Variants in SNX19 observed in about 807,000 individuals in gnomAD.
SNX19 encodes the protein sorting nexin 19.
Under a neutral mutation model 85.2 loss-of-function variants are expected in SNX19, and 60 were observed. That is an observed-to-expected ratio of 0.70 (90% CI 0.57 to 0.87). The LOEUF (loss-of-function observed/expected upper bound fraction) is 0.87, where lower values mean the gene tolerates loss of function less well. Ranked by LOEUF, SNX19 falls within the 40% of genes least tolerant of loss-of-function variation. The pLI, the probability that SNX19 is intolerant of heterozygous loss-of-function variation, is 0.00. For missense variants in SNX19, 1,201 were observed against 1,217.8 expected, an observed-to-expected ratio of 0.99 and a Z score of 0.21; for synonymous variants, 520 against 470.0, an observed-to-expected ratio of 1.11 and a Z score of -1.38.
chr11:130,881,116 T>G (rs755960112), intron 8 of SNX19: 6 of 236,328 alleles, frequency 2.5e-5, no homozygotes, highest in Admixed American at 5.6e-5. Flanking sequence ...ACCTTGATCT[T>G]GAACCTCCCG....
At chr11:130,886,060 CCT>C (rs576438838) in intron 8 of SNX19, among the ~76,000 whole-genome samples, 8 of 152,282 alleles carry the variant, frequency 5.3e-5, no homozygotes, top group South Asian at 2.1e-4. Context: ...CGGCATGTCC[CCT>C]GAGGACAAAA....
chr11:130,906,275 A>G (rs1945662971), intron 6 of SNX19, 142 bp from the exon 7 acceptor site: 1 of 869,874 alleles, frequency 1.1e-6, no homozygotes, highest in Non-Finnish European at 1.7e-6. Flanking sequence ...TTTAGGAAAG[A>G]TTTTATTTTT....
intron 8 of SNX19, among the ~76,000 whole-genome samples, chr11:130,893,521 A>C (rs1451449725): frequency 6.6e-6 from 1 of 152,072 alleles, no homozygotes; most frequent in Non-Finnish European, 1.5e-5. Context: ...TAGAAGAGCT[A>C]CCCAAAAGTA....
intron 8 of SNX19, chr11:130,893,912 A>G: frequency 1.5e-6 from 1 of 670,658 alleles, no homozygotes; most frequent in South Asian, 1.6e-5. Context: ...AAATAGCTCT[A>G]CTTCTCCAAA....
Position 130,903,330 on chromosome 11 carries a change from G to A in SNX19, c.2498C>T (p.Thr833Ile). The change falls in exon 8 of 11, where the codon ACA (threonine) becomes ATA (isoleucine). Residue 833 changes from threonine (T) to isoleucine (I), a missense_variant. Thr to Ile is a moderately conservative substitution (Grantham distance 89). Around this residue, in one of 3 missense-constraint regions of SNX19, gnomAD observed 285 missense variants for 295.3 expected, o/e 0.97. Coordinates refer to ENST00000265909, the MANE Select transcript of SNX19 (RefSeq NM_014758.3). ...TALDLLLLLL[T>I]EQWKWLCTEN... ...GGTACATAGCCATTTCCACTGTTCT[G>A]TTAGTAGCAAGAGGAGCAGATCCAG... 3 of 1,613,712 alleles carry A rather than the reference G, an allele frequency of 1.9e-6. No individual in the cohort carries two copies. Among genetic ancestry groups the A allele is most frequent in the African/African-American group, 1.3e-5 (1 of 75,024 alleles).
intron 8 of SNX19, chr11:130,893,774 C>T (rs1474187246): frequency 1.4e-6 from 1 of 702,232 alleles, no homozygotes; most frequent in Admixed American, 2.0e-5. Flanking sequence ...CTTGATGCTG[C>T]ATTTGCACAC....
chr11:130,904,835 A>G (rs1182589984), intron 7 of SNX19, among the ~76,000 whole-genome samples: 1 of 152,074 alleles, frequency 6.6e-6, no homozygotes, highest in Non-Finnish European at 1.5e-5. Context: ...TATTCTTACC[A>G]CACTGACCCT....
Position 130,866,506 on chromosome 11 carries a change from C to T in SNX19, c.*11916G>A, listed in dbSNP as rs910317408. 1.3e-5 allele frequency: 2 copies of T among 152,170 alleles called. No individual in the cohort carries two copies. Among genetic ancestry groups the T allele is most frequent in the Admixed American group, 6.5e-5 (1 of 15,270 alleles). The allele number at this position is 152,170 out of a possible 1,614,324, so 9.4% of individuals were successfully genotyped here. On this transcript the variant is annotated 3_prime_UTR_variant, in exon 11 of 11. Coordinates refer to ENST00000265909, the MANE Select transcript of SNX19 (RefSeq NM_014758.3). ...TTGCAATGAGTTACCCAATCAAGCC[C>T]TTTTACCTCCTTAAGATGGCAGATT...
At chr11:130,896,721 T>A (rs1230819793) in intron 8 of SNX19, among the ~76,000 whole-genome samples, 1 of 152,234 alleles carries the variant, frequency 6.6e-6, no homozygotes. Flanking sequence ...TACATGTCTA[T>A]CTCATAGAAT....
In SNX19 at chr11:130,874,967, G is replaced by T. The variant is rs951976221; in HGVS notation, c.*3455C>A. 1.3e-5 allele frequency among the ~76,000 whole-genome samples: 2 copies of T among 152,162 alleles called. No homozygotes were observed. Among genetic ancestry groups the T allele is most frequent in the South Asian group, 2.1e-4 (1 of 4,834 alleles). ...GGAAAACAGTATGAAGGTCTTCAAA[G>T]AATTAAAAACAGAACAATATATGAT... is the stretch of plus-strand genomic sequence containing the variant. On this transcript the variant is annotated 3_prime_UTR_variant, in exon 11 of 11. Transcript: ENST00000265909.
At chr11:130,889,389 CG>C (rs1423813461) in intron 8 of SNX19, among the ~76,000 whole-genome samples, 1 of 151,992 alleles carries the variant, frequency 6.6e-6, no homozygotes, top group Non-Finnish European at 1.5e-5. Context: ...AAATGCCCCC[CG>C]ACCCCCCAGA....
chr11:130,891,338 G>A (rs1019298917), intron 8 of SNX19, among the ~76,000 whole-genome samples: 2 of 148,748 alleles, frequency 1.3e-5, no homozygotes, highest in African/African-American at 4.9e-5. Context: ...TCCATGAAAT[G>A]GGCATTCACA....
Position 130,904,439 on chromosome 11 carries a change from A to T in SNX19, c.2444-1055T>A, listed in dbSNP as rs551590881. 9.2e-5 allele frequency among the ~76,000 whole-genome samples: 14 copies of T among 152,272 alleles called. No homozygotes were observed. In the East Asian group the frequency reaches 2.7e-3, roughly 29 times the overall value. On this transcript the variant is annotated intron_variant, in intron 7 of 10. Transcript: ENST00000265909. ...CTTCCCTCTTAACCCTATATAATAC[A>T]TATTTTCTTTTCTGTTTGTATTGCA...
intron 1 of SNX19, among the ~76,000 whole-genome samples, chr11:130,913,827 TAG>T (rs1337959126): frequency 2.6e-5 from 4 of 152,302 alleles, no homozygotes; most frequent in African/African-American, 9.6e-5. Flanking sequence ...TTGGTTGGAT[TAG>T]AGAGGCAATT....
At chr11:130,897,941 C>T (rs1353774638) in intron 8 of SNX19, among the ~76,000 whole-genome samples, 1 of 152,210 alleles carries the variant, frequency 6.6e-6, no homozygotes, top group Non-Finnish European at 1.5e-5. Flanking sequence ...ATGTTCCCAG[C>T]ACAGAAGCTG....
rs538390858 is a variant in SNX19 at position 130,875,175 on chromosome 11, C to T, written c.*3247G>A. ...TAGCCATACAATGGAATGTTTTCAG[C>T]CTTAAAAAGAAAATTCTGTCACATG... is the stretch of plus-strand genomic sequence containing the variant. On this transcript the variant is annotated 3_prime_UTR_variant, in exon 11 of 11. Transcript: ENST00000265909. Among the ~76,000 whole-genome samples, 3 of 152,292 alleles carry T rather than the reference C, an allele frequency of 2.0e-5. No individual in the cohort carries two copies. In the South Asian group the frequency reaches 6.2e-4, roughly 32 times the overall value.
chr11:130,913,110 A>G (rs775563474), intron 1 of SNX19, among the ~76,000 whole-genome samples: 1 of 152,190 alleles, frequency 6.6e-6, no homozygotes, highest in Admixed American at 6.5e-5. Context: ...GAACTTAAAC[A>G]TTCTATCCAT....
At chr11:130,910,961 G>A (rs1318910672) in intron 2 of SNX19, among the ~76,000 whole-genome samples, 1 of 152,102 alleles carries the variant, frequency 6.6e-6, no homozygotes, top group African/African-American at 2.4e-5. Flanking sequence ...TTAGGAGGCC[G>A]AGGTGGGTAG....
intron 8 of SNX19, among the ~76,000 whole-genome samples, chr11:130,887,045 C>T (rs1391485926): frequency 6.6e-6 from 1 of 152,192 alleles, no homozygotes; most frequent in Non-Finnish European, 1.5e-5. Flanking sequence ...AGAGTTGGCA[C>T]AATTTCTTCT....
Sources: allele counts gnomAD v4.1 joint callset (sites outside exome capture counted in the v4.1 genomes callset), GRCh38; gene constraint gnomAD v4.1.1; regional missense constraint gnomAD v4.1.1; transcripts MANE v1.5; gene names NCBI Gene and HGNC (gene_info 2026-07-23, HGNC 2026-07-21).